Variants in ANKRD33B observed in about 807,000 individuals in gnomAD.
ANKRD33B encodes the protein ankyrin repeat domain-containing protein 33B.
Under a neutral mutation model 21.5 loss-of-function variants are expected in ANKRD33B, and 6 were observed. That is an observed-to-expected ratio of 0.28 (90% confidence interval 0.15 to 0.55). ANKRD33B has a LOEUF of 0.55. Ranked by LOEUF, ANKRD33B falls within the 20% of genes least tolerant of loss-of-function variation. The pLI, the probability that ANKRD33B is intolerant of heterozygous loss-of-function variation, is 0.94. For synonymous variants in ANKRD33B, 347 were observed against 342.4 expected, an observed-to-expected ratio of 1.01 and a Z score of -0.15; for missense variants, 698 against 747.2, an observed-to-expected ratio of 0.93 and a Z score of 0.77.
intron 1 of ANKRD33B, among the ~76,000 whole-genome samples, chr5:10,612,902 A>G (rs981569779): frequency 6.6e-6 from 1 of 152,238 alleles, no homozygotes; most frequent in African/African-American, 2.4e-5. Context: ...TCTTGCATTC[A>G]TTCATAAAGC....
intron 1 of ANKRD33B, among the ~76,000 whole-genome samples, chr5:10,584,766 G>A (rs1735518352): frequency 6.6e-6 from 1 of 152,180 alleles, no homozygotes; most frequent in South Asian, 2.1e-4. Context: ...TTGGGGGTGA[G>A]AAACAATAAC....
At chr5:10,588,371 T>G (rs1050292135) in intron 1 of ANKRD33B, among the ~76,000 whole-genome samples, 11 of 152,238 alleles carry the variant, frequency 7.2e-5, no homozygotes, top group Admixed American at 2.6e-4. Context: ...TTCTTTAACC[T>G]GTGGCTTCCT....
intron 3 of ANKRD33B, among the ~76,000 whole-genome samples, chr5:10,641,278 G>A (rs553476254): frequency 1.4e-5 from 2 of 144,666 alleles, no homozygotes; most frequent in Non-Finnish European, 3.0e-5. Flanking sequence ...GCCCAGGCTG[G>A]AGTGCGGTGG....
intron 1 of ANKRD33B, among the ~76,000 whole-genome samples, chr5:10,575,694 G>A (rs1376736238): frequency 6.6e-6 from 1 of 152,154 alleles, no homozygotes; most frequent in Non-Finnish European, 1.5e-5. Flanking sequence ...ACTTACCCTT[G>A]CTGATTTAAA....
chr5:10,612,468 C>A (rs1401684495), intron 1 of ANKRD33B, among the ~76,000 whole-genome samples: 1 of 152,226 alleles, frequency 6.6e-6, no homozygotes, highest in Non-Finnish European at 1.5e-5. Flanking sequence ...AATACCATCA[C>A]CGTGAGGGTT....
In ANKRD33B at chr5:10,649,872, G is replaced by A; in HGVS notation, c.1244G>A (p.Arg415Lys). 6.9e-7 allele frequency: 1 copy of A among 1,454,030 alleles called. No homozygotes were observed. The highest frequency in any genetic ancestry group is 2.6e-5 in the Admixed American group (1 of 39,138). 90.1% of individuals were successfully genotyped at this position (1,454,030 alleles called of 1,614,324 possible). ...SLLPLQRLRR[R>K]SVRPGVVVPR... ...CTGCCCCTGCAGCGCCTGCGGCGGA[G>A]AAGCGTGCGGCCCGGTGTGGTGGTG... The change falls in exon 4 of 4, where the codon AGA becomes AAA. Residue 415 changes from arginine (R) to lysine (K), a missense_variant. Arg to Lys is a conservative substitution (Grantham distance 26). This residue lies in a region of ANKRD33B where 543 missense variants were observed against 566.5 expected (regional missense o/e 0.96). Transcript: ENST00000296657.
chr5:10,573,416 T>C (rs1735244397), intron 1 of ANKRD33B, among the ~76,000 whole-genome samples: 2 of 145,688 alleles, frequency 1.4e-5, no homozygotes, highest in South Asian at 2.1e-4. Context: ...TGCAGTGAGC[T>C]GAGATCACGC....
intron 1 of ANKRD33B, among the ~76,000 whole-genome samples, chr5:10,577,667 TG>T (rs1735354028): frequency 6.6e-6 from 1 of 152,242 alleles, no homozygotes; most frequent in African/African-American, 2.4e-5. Context: ...TTGCAGCTTT[TG>T]TATTTTAAAA....
At chr5:10,575,833 C>A (rs1735308839) in intron 1 of ANKRD33B, among the ~76,000 whole-genome samples, 1 of 152,150 alleles carries the variant, frequency 6.6e-6, no homozygotes, top group South Asian at 2.1e-4. Flanking sequence ...TGATCAGAGG[C>A]TGCTGGGGCC....
chr5:10,632,267 A>G (rs934714182), intron 2 of ANKRD33B, among the ~76,000 whole-genome samples: 4 of 152,072 alleles, frequency 2.6e-5, no homozygotes, highest in South Asian at 2.1e-4. Flanking sequence ...AAGATGAGTC[A>G]TCCAGGAGAG....
At chr5:10,642,190 G>C (rs1035482388) in intron 3 of ANKRD33B, among the ~76,000 whole-genome samples, 1 of 152,140 alleles carries the variant, frequency 6.6e-6, no homozygotes, top group African/African-American at 2.4e-5. Flanking sequence ...GGTCTCCTGG[G>C]GGTTTCAGGC....
Position 10,650,139 on chromosome 5 carries a change from C to T in ANKRD33B, c.*26C>T, listed in dbSNP as rs867744442. 1.6e-5 allele frequency: 21 copies of T among 1,350,532 alleles called. No individual in the cohort carries two copies. In the Admixed American group the frequency reaches 2.5e-4, roughly 16 times the overall value. The allele number at this position is 1,350,532 out of a possible 1,614,324, so 83.7% of individuals were successfully genotyped here. A position where few individuals can be genotyped will look rare whatever the true frequency, so the allele number is the denominator to read the frequency against. Reference sequence around the variant, plus strand: ...GGGCCCGTGTGCCTGGCGCTGGGGCCGGGGCTGGGGCCGGGGCGGGGCCGC... The same window carrying T: ...GGGCCCGTGTGCCTGGCGCTGGGGCTGGGGCTGGGGCCGGGGCGGGGCCGC... On this transcript the variant is annotated 3_prime_UTR_variant, in exon 4 of 4. Coordinates refer to ENST00000296657, the MANE Select transcript of ANKRD33B (RefSeq NM_001164440.2).
chr5:10,649,073 A>G (rs910813900), intron 3 of ANKRD33B, among the ~76,000 whole-genome samples, 193 bp from the exon 4 acceptor site: 54 of 150,412 alleles, frequency 3.6e-4, no homozygotes, highest in African/African-American at 1.3e-3. Flanking sequence ...TGTTCCCGCC[A>G]CTGCACTCCA....
chr5:10,616,700 A>T (rs760046938), intron 1 of ANKRD33B, among the ~76,000 whole-genome samples: 5 of 152,048 alleles, frequency 3.3e-5, no homozygotes, highest in Non-Finnish European at 7.3e-5. Flanking sequence ...CCTGGTCATT[A>T]GCTCCTGCCC....
intron 3 of ANKRD33B, among the ~76,000 whole-genome samples, chr5:10,646,250 C>T (rs940083020): frequency 7.9e-5 from 12 of 152,094 alleles, no homozygotes; most frequent in African/African-American, 2.2e-4. Context: ...TGGGAGATGA[C>T]GATGCTGGGG....
chr5:10,586,101 C>G (rs1460749927), intron 1 of ANKRD33B, among the ~76,000 whole-genome samples: 1 of 152,110 alleles, frequency 6.6e-6, no homozygotes, highest in Non-Finnish European at 1.5e-5. Context: ...ATGCTAATTG[C>G]ATAGCATTTC....
intron 2 of ANKRD33B, chr5:10,624,688 C>T (rs550698183): frequency 1.8e-5 from 8 of 451,902 alleles, no homozygotes; most frequent in South Asian, 4.7e-5. Context: ...CTCAATGTGC[C>T]GAAGAGATTT....
intron 3 of ANKRD33B, among the ~76,000 whole-genome samples, chr5:10,640,361 C>G (rs1051393097): frequency 6.6e-6 from 1 of 152,182 alleles, no homozygotes; most frequent in Non-Finnish European, 1.5e-5. Flanking sequence ...TGACCTCTTT[C>G]TCCCTCACCT....
intron 2 of ANKRD33B, among the ~76,000 whole-genome samples, chr5:10,628,470 T>C (rs1736631560): frequency 6.6e-6 from 1 of 152,052 alleles, no homozygotes; most frequent in Non-Finnish European, 1.5e-5. Flanking sequence ...GCGTGAACCA[T>C]TGCGCTCGGC....
Sources: gnomAD v4.1 joint callset for allele counts (sites outside exome capture counted in the v4.1 genomes callset) on GRCh38, gnomAD v4.1.1 for gene constraint, gnomAD v4.1.1 regional missense constraint, MANE v1.5 for transcripts, NCBI Gene and HGNC (gene_info 2026-07-23, HGNC 2026-07-21) for gene names.